FEV: variants seen among roughly 807,000 people sequenced by gnomAD.
FEV encodes protein FEV.
A neutral mutation model predicts 20.5 loss-of-function variants in FEV; 14 were observed. The ratio of observed to expected loss-of-function variants is 0.68; its 90% CI spans 0.45 to 1.07. The LOEUF is 1.07. Ranked by LOEUF, FEV falls within the 50% of genes least tolerant of loss-of-function variation. FEV has a pLI of 0.00. For synonymous variants in FEV, 188 were observed against 163.7 expected (o/e 1.15, Z -1.13); for missense variants, 301 against 345.3 (o/e 0.87, Z 1.02).
intron 2 of FEV, among the ~76,000 whole-genome samples, chr2:218,982,556 TC>T (rs201926800): frequency 0.013 from 1,905 of 152,016 alleles, 51 homozygotes; most frequent in African/African-American, 0.043. Flanking sequence ...AAGCATTGCC[TC>T]CCCCCACGTG....
rs1394921372 is a variant in FEV, at chr2:218,981,673, G to A, written c.711C>T (p.Tyr237=). The change falls in exon 3 of 3, where the codon TAC becomes TAT. Residue 237 remains tyrosine, a synonymous_variant. Coordinates refer to ENST00000295727, the MANE Select transcript of FEV (RefSeq NM_017521.3). The surrounding 1 kb of genome is among the most constrained non-coding windows in gnomAD (Gnocchi z 4.5). Reference sequence around the variant, plus strand: ...AGGCACCCGACCGCCCCGTCTAGTGGTAATGGCCCCCCAAGTGCGAGGCTG... The same window carrying A: ...AGGCACCCGACCGCCCCGTCTAGTGATAATGGCCCCCCAAGTGCGAGGCTG... ...VAAASHLGGH[Y]H is the part of the protein sequence containing the mutation. 1 of 1,332,854 alleles carries A rather than the reference G, an allele frequency of 7.5e-7. No individual in the cohort carries two copies. Among genetic ancestry groups the A allele is most frequent in the Non-Finnish European group, 9.5e-7 (1 of 1,049,022 alleles). The allele number at this position is 1,332,854 out of a possible 1,614,324, so 82.6% of individuals were successfully genotyped here. A position where few individuals can be genotyped will look rare whatever the true frequency, so the allele number is the denominator to read the frequency against.
Position 218,981,922 on chromosome 2 carries a change from G to A in FEV, c.462C>T (p.Ala154=). 1.5e-6 allele frequency: 2 copies of A among 1,312,684 alleles called. No homozygotes were observed. Among genetic ancestry groups the A allele is most frequent in the Non-Finnish European group, 1.9e-6 (2 of 1,036,894 alleles). 81.3% of individuals were successfully genotyped at this position (1,312,684 alleles called of 1,614,324 possible). A position where few individuals can be genotyped will look rare whatever the true frequency, so the allele number is the denominator to read the frequency against. ...AAAAAAAAAA[A]AQDGALYKLP... is the part of the protein sequence containing the mutation. ...GCTTGTAGAGCGCGCCGTCCTGGGCGGCCGCGGCGGCGGCAGCAGCTGCGG... is the reference window on the plus strand; with the variant it reads ...GCTTGTAGAGCGCGCCGTCCTGGGCAGCCGCGGCGGCGGCAGCAGCTGCGG... The change falls in exon 3 of 3, where the codon GCC becomes GCT. Residue 154 remains alanine (A), a synonymous_variant. Coordinates refer to ENST00000295727, the MANE Select transcript of FEV (RefSeq NM_017521.3). This position sits in a 1 kb window ranked among gnomAD's most constrained non-coding sequence, Gnocchi z 4.5.
chr2:218,983,944 T>G (rs1945414237), intron 2 of FEV, among the ~76,000 whole-genome samples: 1 of 152,180 alleles, frequency 6.6e-6, no homozygotes, highest in Admixed American at 6.5e-5. Flanking sequence ...GAAAGGACGC[T>G]AAGTGTCCCA....
rs1386284972 is a variant in FEV at position 218,981,760 on chromosome 2, G to A, written c.624C>T (p.Thr208=). ...AGCTGGGACTGGGGTAGAGCGCGGC[G>A]GTGGCGGCGGCAGCGGTGGCGGCGG... is the stretch of plus-strand genomic sequence containing the variant. ...PGPAATAAAA[T]AALYPSPSLQ... is the part of the protein sequence containing the mutation. The change falls in exon 3 of 3, where the codon ACC becomes ACT. Residue 208 remains threonine (T), a synonymous_variant. Coordinates refer to ENST00000295727, the MANE Select transcript of FEV (RefSeq NM_017521.3). This position sits in a 1 kb window ranked among gnomAD's most constrained non-coding sequence, Gnocchi z 4.5. The A allele has an allele frequency of 4.7e-6, 6 of 1,276,322 alleles. No homozygotes were observed. The highest frequency in any genetic ancestry group is 3.1e-5 in the East Asian group (1 of 32,236). The allele number at this position is 1,276,322 out of a possible 1,614,324, so 79.1% of individuals were successfully genotyped here.
At chr2:218,982,415 G>A (rs1945399509) in intron 2 of FEV, among the ~76,000 whole-genome samples, 159 bp from the exon 3 acceptor site, 1 of 152,210 alleles carries the variant, frequency 6.6e-6, no homozygotes, top group Admixed American at 6.5e-5. Flanking sequence ...GGCCGGCCCC[G>A]GAGGGGCTGA....
chr2:218,981,644 C>T lies in FEV; in HGVS notation c.*23G>A. 7.8e-7 allele frequency: 1 copy of T among 1,282,598 alleles called. No homozygotes were observed. The highest frequency in any genetic ancestry group is 9.8e-7 in the Non-Finnish European group (1 of 1,017,366). The allele number at this position is 1,282,598 out of a possible 1,614,324, so 79.5% of individuals were successfully genotyped here. A position where few individuals can be genotyped will look rare whatever the true frequency, so the allele number is the denominator to read the frequency against. Reference sequence around the variant, plus strand: ...CGAGACTCTAGGCGTGCGGGCGAGGCCGCAGGCACCCGACCGCCCCGTCTA... The same window carrying T: ...CGAGACTCTAGGCGTGCGGGCGAGGTCGCAGGCACCCGACCGCCCCGTCTA... On this transcript the variant is annotated 3_prime_UTR_variant, in exon 3 of 3. Coordinates refer to ENST00000295727, the MANE Select transcript of FEV (RefSeq NM_017521.3). This position sits in a 1 kb window ranked among gnomAD's most constrained non-coding sequence, Gnocchi z 4.5.
intron 2 of FEV, among the ~76,000 whole-genome samples, chr2:218,982,462 A>G (rs980774255): frequency 3.3e-5 from 5 of 152,218 alleles, no homozygotes; most frequent in Non-Finnish European, 5.9e-5. Flanking sequence ...GCGCTTTTGC[A>G]CAATGGAAAT....
In FEV at chr2:218,982,895, C is replaced by A. The variant is rs566884485; in HGVS notation, c.128-639G>T. ...ACACCACATCCGACAGGAGTAGGAA[C>A]GAACAGTGGCCCCCTATACGTGACA... On this transcript the variant is annotated intron_variant, in intron 2 of 2. Transcript: ENST00000295727. Among the ~76,000 whole-genome samples the A allele has an allele frequency of 4.6e-5, 7 of 152,332 alleles. No homozygotes were observed. The South Asian group carries it at 1.0e-3, about 23-fold the overall frequency.
Position 218,981,879 on chromosome 2 carries a change from G to C in FEV, c.505C>G (p.Pro169Ala). 4.0e-6 allele frequency: 5 copies of C among 1,240,050 alleles called. No homozygotes were observed. The highest frequency in any genetic ancestry group is 4.0e-6 in the Non-Finnish European group (4 of 996,326). The allele number at this position is 1,240,050 out of a possible 1,614,324, so 76.8% of individuals were successfully genotyped here. The change falls in exon 3 of 3, where the codon CCG becomes GCG. Residue 169 changes from proline (P) to alanine (A), a missense_variant. Coordinates refer to ENST00000295727, the MANE Select transcript of FEV (RefSeq NM_017521.3). The surrounding 1 kb of genome is among the most constrained non-coding windows in gnomAD (Gnocchi z 4.5). Reference protein sequence around the residue: ...ALYKLPAGLAPLPFPGLSKLN... With the variant: ...ALYKLPAGLAALPFPGLSKLN... The stretch of plus-strand genomic sequence containing the variant: ...TTGGAGAGGCCGGGGAAGGGCAGCG[G>C]GGCGAGGCCGGCGGGCAGCTTGTAG...
rs1046544603 is a variant in FEV at position 218,984,750 on chromosome 2, C to G, written c.52+274G>C. On this transcript the variant is annotated intron_variant, in intron 1 of 2. Transcript: ENST00000295727. The surrounding 1 kb of genome is among the most constrained non-coding windows in gnomAD (Gnocchi z 5.0). ...CACCACGCCAGAGACCCGTGCTTCC[C>G]CTCTCAGGCTCCTTCGGGTCCCTGA... 2.0e-5 allele frequency among the ~76,000 whole-genome samples: 3 copies of G among 152,188 alleles called. No individual in the cohort carries two copies. In the South Asian group the frequency reaches 6.2e-4, roughly 32 times the overall value.
chr2:218,981,955 A>G lies in FEV; in HGVS notation c.429T>C (p.His143=). The change falls in exon 3 of 3, where the codon CAT becomes CAC. Residue 143 remains histidine, a synonymous_variant. Transcript: ENST00000295727. This position sits in a 1 kb window ranked among gnomAD's most constrained non-coding sequence, Gnocchi z 4.5. ...QACQPPPAHA[H]AAAAAAAAAA... Reference sequence around the variant, plus strand: ...CGGCGGCAGCAGCTGCGGCGGCGGCATGAGCGTGCGCGGGCGGCGGCTGGC... The same window carrying G: ...CGGCGGCAGCAGCTGCGGCGGCGGCGTGAGCGTGCGCGGGCGGCGGCTGGC... The G allele has an allele frequency of 6.5e-7, 1 of 1,544,482 alleles. No individual in the cohort carries two copies. The highest frequency in any genetic ancestry group is 8.7e-7 in the Non-Finnish European group (1 of 1,150,520).
Position 218,981,703 on chromosome 2 carries a change from C to T in FEV, c.681G>A (p.Val227=). ...GGCCCCCCAAGTGCGAGGCTGCGGC[C>T]ACGGCCCCGAAGGGCCCGGGCGGGG... ...LQPPPGPFGA[V]AAASHLGGHY... is the part of the protein sequence containing the mutation. The change falls in exon 3 of 3, where the codon GTG becomes GTA. Residue 227 remains valine (V), a synonymous_variant. Transcript: ENST00000295727. This position sits in a 1 kb window ranked among gnomAD's most constrained non-coding sequence, Gnocchi z 4.5. 1 of 1,342,084 alleles carries T rather than the reference C, an allele frequency of 7.5e-7. No individual in the cohort carries two copies. Among genetic ancestry groups the T allele is most frequent in the Non-Finnish European group, 9.5e-7 (1 of 1,052,816 alleles). The allele number at this position is 1,342,084 out of a possible 1,614,324, so 83.1% of individuals were successfully genotyped here.
In FEV at chr2:218,982,239, G is replaced by A; in HGVS notation, c.145C>T (p.Leu49=). ...AGCAGCTCCAGCAGAAACTGCCACA[G>A]CTGGATCTGTCCGCTGCCTGTGGGG... ...AVQKGSGQIQ[L]WQFLLELLAD... Residue 49 remains leucine (L), a synonymous_variant, in exon 3 of 3, where the codon CTG becomes TTG. Transcript: ENST00000295727. 1 of 1,596,636 alleles carries A rather than the reference G, an allele frequency of 6.3e-7. No homozygotes were observed. The highest frequency in any genetic ancestry group is 8.5e-7 in the Non-Finnish European group (1 of 1,173,090).
In FEV at chr2:218,981,995, C is replaced by T. The variant is rs1945392428; in HGVS notation, c.389G>A (p.Gly130Asp). ...CGGCGGCTGGCAGGCCTGCGCCAGG[C>T]CCTGGAAGTCGAAGCGGTAGGCGTA... Reference protein sequence around the residue: ...KRYAYRFDFQGLAQACQPPPA... With the variant: ...KRYAYRFDFQDLAQACQPPPA... The change falls in exon 3 of 3, where the codon GGC becomes GAC. Residue 130 changes from glycine to aspartate, a missense_variant. Coordinates refer to ENST00000295727, the MANE Select transcript of FEV (RefSeq NM_017521.3). The surrounding 1 kb of genome is among the most constrained non-coding windows in gnomAD (Gnocchi z 4.5). The T allele has an allele frequency of 1.2e-6, 2 of 1,610,474 alleles. No individual in the cohort carries two copies. The highest frequency in any genetic ancestry group is 1.7e-6 in the Non-Finnish European group (2 of 1,178,792).
In FEV at chr2:218,984,019, C is replaced by T. The variant is rs1470265508; in HGVS notation, c.127+212G>A. The stretch of plus-strand genomic sequence containing the variant: ...AAAGGGCCTGGGGCTGGGATCCTCT[C>T]CATCTGCCTTGGCCTGCAACTCTTT... On this transcript the variant is annotated intron_variant, in intron 2 of 2. Transcript: ENST00000295727. This position sits in a 1 kb window ranked among gnomAD's most constrained non-coding sequence, Gnocchi z 5.0. Among the ~76,000 whole-genome samples, 1 of 152,210 alleles carries T rather than the reference C, an allele frequency of 6.6e-6. No homozygotes were observed. Among genetic ancestry groups the T allele is most frequent in the African/African-American group, 2.4e-5 (1 of 41,448 alleles).
intron 2 of FEV, among the ~76,000 whole-genome samples, chr2:218,983,041 G>T (rs1009517726): frequency 6.6e-6 from 1 of 152,368 alleles, no homozygotes; most frequent in South Asian, 2.1e-4. Flanking sequence ...GCCTACGAAG[G>T]TGCCATAGTT....
rs1431603728 is a variant in FEV at position 218,984,872 on chromosome 2, C to T, written c.52+152G>A. 1 of 722,878 alleles carries T rather than the reference C, an allele frequency of 1.4e-6. No individual in the cohort carries two copies. The highest frequency in any genetic ancestry group is 2.4e-6 in the Non-Finnish European group (1 of 409,040). The allele number at this position is 722,878 out of a possible 1,614,324, so 44.8% of individuals were successfully genotyped here. ...AGCTCTCTATCTGCCTTTAGGTCTC[C>T]CCAGTGCCCTACATTACAATCGGCC... On this transcript the variant is annotated intron_variant, in intron 1 of 2. Coordinates refer to ENST00000295727, the MANE Select transcript of FEV (RefSeq NM_017521.3). This position sits in a 1 kb window ranked among gnomAD's most constrained non-coding sequence, Gnocchi z 5.0.
Position 218,984,434 on chromosome 2 carries a change from C to G in FEV, c.53-129G>C. On this transcript the variant is annotated intron_variant, in intron 1 of 2. Transcript: ENST00000295727. The surrounding 1 kb of genome is among the most constrained non-coding windows in gnomAD (Gnocchi z 5.0). The stretch of plus-strand genomic sequence containing the variant: ...GGCGCGAGGCTGGGGGCCCGGGCCA[C>G]CCGGCTCCTCCTCCCGGAGCCTGGT... The G allele has an allele frequency of 2.4e-6, 2 of 820,564 alleles. No homozygotes were observed. Among genetic ancestry groups the G allele is most frequent in the East Asian group, 5.8e-5 (2 of 34,580 alleles). 50.8% of individuals were successfully genotyped at this position (820,564 alleles called of 1,614,324 possible).
At position 218,984,570 on chromosome 2, in the gene FEV, G is replaced by A; in HGVS notation, c.53-265C>T. ...GGCTGGAGCCTTATAAAGCCGAGCG[G>A]GGAACTGCGCCAGCCGAGCTGGAGC... On this transcript the variant is annotated intron_variant, in intron 1 of 2. Transcript: ENST00000295727. This position sits in a 1 kb window ranked among gnomAD's most constrained non-coding sequence, Gnocchi z 5.0. 1 of 423,300 alleles carries A rather than the reference G, an allele frequency of 2.4e-6. No homozygotes were observed. Among genetic ancestry groups the A allele is most frequent in the Non-Finnish European group, 4.3e-6 (1 of 235,024 alleles). 26.2% of individuals were successfully genotyped at this position (423,300 alleles called of 1,614,324 possible).
Sources: allele counts gnomAD v4.1 joint callset (sites outside exome capture counted in the v4.1 genomes callset), GRCh38; gene constraint gnomAD v4.1.1; non-coding constraint Gnocchi (gnomAD v3.1); transcripts MANE v1.5; gene names NCBI Gene and HGNC (gene_info 2026-07-23, HGNC 2026-07-21).